PPEF1: variants seen among roughly 807,000 people sequenced by gnomAD.
The protein encoded by PPEF1 is protein phosphatase with EF-hand domain 1, also known as serine/threonine-protein phosphatase with EF-hands 1.
A neutral mutation model predicts 53.3 loss-of-function variants in PPEF1; 12 were observed. That is an observed-to-expected ratio of 0.23 (90% confidence interval 0.14 to 0.36). The LOEUF is 0.36. PPEF1 is among the 10% of genes least tolerant of loss of function. The probability of loss-of-function intolerance (pLI) is 1.00; values close to 1 mark genes in which losing one functional copy is unlikely to be tolerated. For synonymous variants in PPEF1, 165 were observed against 176.7 expected (o/e 0.93, Z 0.52); for missense variants, 334 against 490.4 (o/e 0.68, Z 3.01).
intron 13 of PPEF1, among the ~76,000 whole-genome samples, chrX:18,820,932 C>G (rs67583955): frequency 0.23 from 25,308 of 109,531 alleles, 2,793 homozygotes; most frequent in African/African-American, 0.42. Context: ...TAGAAATAAT[C>G]CTTGGCTCCG....
chrX:18,771,723 C>T (rs181367151), intron 6 of PPEF1, among the ~76,000 whole-genome samples: 399 of 111,587 alleles, frequency 3.6e-3, no homozygotes, highest in African/African-American at 0.012. Flanking sequence ...AACTAATAGC[C>T]TACTGTTGAC....
chrX:18,817,068 A>ATGTGTGTG (rs72334387), intron 12 of PPEF1, among the ~76,000 whole-genome samples: 159 of 100,112 alleles, frequency 1.6e-3, no homozygotes, highest in African/African-American at 5.3e-3. Context: ...TCATTTTGCC[A>ATGTGTGTG]TGTGTGTGTG....
At chrX:18,719,565 G>C (rs1038773299) in intron 1 of PPEF1, among the ~76,000 whole-genome samples, 1 of 109,805 alleles carries the variant, frequency 9.1e-6, no homozygotes, top group Admixed American at 9.8e-5. Context: ...CAGGCTGGTC[G>C]TGAACTCCTA....
chrX:18,695,036 C>T (rs1373626630), intron 4 of PPEF1, among the ~76,000 whole-genome samples: 5 of 112,083 alleles, frequency 4.5e-5, no homozygotes, highest in African/African-American at 9.7e-5. Flanking sequence ...GAAACCCAGG[C>T]GTGGCTTACC....
chrX:18,724,779 G>A (rs1229424274), intron 1 of PPEF1, among the ~76,000 whole-genome samples: 4 of 110,949 alleles, frequency 3.6e-5, no homozygotes, highest in Non-Finnish European at 5.7e-5. Context: ...GGCAGGGTGG[G>A]GGGTTATGGG....
At chrX:18,719,469 C>A (rs897135614) in intron 1 of PPEF1, among the ~76,000 whole-genome samples, 1 of 109,973 alleles carries the variant, frequency 9.1e-6, no homozygotes, top group African/African-American at 3.3e-5. Flanking sequence ...ACCTCAACCT[C>A]CCAAGTAGCT....
intron 1 of PPEF1, among the ~76,000 whole-genome samples, chrX:18,708,782 G>A (rs2044258803): frequency 8.9e-6 from 1 of 112,066 alleles, no homozygotes; most frequent in South Asian, 3.7e-4. Flanking sequence ...AAGGGACATA[G>A]GAGGTGTACT....
intron 1 of PPEF1, among the ~76,000 whole-genome samples, chrX:18,714,036 C>T (rs1218276343): frequency 9.0e-6 from 1 of 111,049 alleles, no homozygotes; most frequent in South Asian, 3.7e-4. Flanking sequence ...TTTCTATATT[C>T]AGGTGATTAG....
intron 6 of PPEF1, among the ~76,000 whole-genome samples, chrX:18,701,980 G>A (rs1017526079): frequency 1.4e-4 from 16 of 111,521 alleles, no homozygotes; most frequent in African/African-American, 4.6e-4. Context: ...CTCATGTGGC[G>A]AGACCCAGGA....
At chrX:18,792,417 C>G (rs1436788791) in intron 10 of PPEF1, among the ~76,000 whole-genome samples, 4 of 111,314 alleles carry the variant, frequency 3.6e-5, no homozygotes, top group Non-Finnish European at 7.5e-5. Flanking sequence ...TTGTGTCTTT[C>G]TTGGAATTTG....
Position 18,806,892 on chromosome X carries a change from T to C in PPEF1, c.1394+347T>C, listed in dbSNP as rs977214091. Among the ~76,000 whole-genome samples the C allele has an allele frequency of 3.6e-5, 4 of 112,344 alleles. No homozygotes were observed. The South Asian group carries it at 1.1e-3, about 31-fold the overall frequency. On this transcript the variant is annotated intron_variant, in intron 12 of 15. Transcript: ENST00000470157. ...TATCTGGTCTTGCCCCTTTCTCTTC[T>C]CTATCCAGAAGTGTATGTGACAAAT...
intron 6 of PPEF1, among the ~76,000 whole-genome samples, chrX:18,774,377 C>T (rs1219266021): frequency 8.0e-5 from 9 of 112,337 alleles, no homozygotes; most frequent in South Asian, 3.7e-4. Context: ...GTGTGGGCCA[C>T]GGCGCCCGGC....
At chrX:18,706,045 A>G (rs1224179062), upstream of PPEF1, among the ~76,000 whole-genome samples, 1 of 108,564 alleles carries the variant, frequency 9.2e-6, no homozygotes, top group African/African-American at 3.4e-5. Context: ...AGGTCGGAGG[A>G]TCACTTGAGC....
At chrX:18,740,063 C>T (rs1165527291) in intron 3 of PPEF1, among the ~76,000 whole-genome samples, 2 of 112,461 alleles carry the variant, frequency 1.8e-5, no homozygotes, top group African/African-American at 3.2e-5. Context: ...AAAGGGAATT[C>T]CCCGACCCCT....
intron 1 of PPEF1, among the ~76,000 whole-genome samples, chrX:18,713,490 G>A (rs902144367): frequency 2.0e-5 from 2 of 101,770 alleles, no homozygotes; most frequent in Admixed American, 1.1e-4. Context: ...TATGGAGTGC[G>A]TCCAGAAGAG....
In PPEF1 at chrX:18,702,581, G is replaced by A. The variant is rs1930203904; in HGVS notation, c.-123+2146G>A. 3.7e-5 allele frequency among the ~76,000 whole-genome samples: 4 copies of A among 107,883 alleles called. No homozygotes were observed. In the South Asian group the frequency reaches 1.7e-3, roughly 45 times the overall value. 93.7% of individuals were successfully genotyped at this position (107,883 alleles called of 115,157 possible). A position where few individuals can be genotyped will look rare whatever the true frequency, so the allele number is the denominator to read the frequency against. ...GGGGAGGCTGGGCTAGTGGTTGGAG[G>A]GTGCTTGGTGGCGAACGTTAGTTTG... On this transcript the variant is annotated intron_variant, in intron 6 of 21. Coordinates refer to the PPEF1 transcript ENST00000361511.
chrX:18,738,869 A>G (rs939171924), intron 3 of PPEF1, among the ~76,000 whole-genome samples: 1 of 111,398 alleles, frequency 9.0e-6, no homozygotes, highest in Non-Finnish European at 1.9e-5. Flanking sequence ...GCTTCATTTC[A>G]TTCATTTGAT....
At position 18,707,684 on chromosome X, in the gene PPEF1, AAGAGTGGTTCCT is replaced by A; in HGVS notation, c.-96_-85del. On this transcript the variant is annotated 5_prime_UTR_variant, in exon 1 of 16. Transcript: ENST00000470157. ...AATCTATGACTGAAGAGGATCGGCT[AAGAGTGGTTCCT>A]CGCAGCTTAAAGGGAGGCACTTTTC... 1 of 779,344 alleles carries A rather than the reference AAGAGTGGTTCCT, an allele frequency of 1.3e-6. No homozygotes were observed. Among genetic ancestry groups the A allele is most frequent in the Non-Finnish European group, 2.0e-6 (1 of 512,339 alleles). 64.2% of individuals were successfully genotyped at this position (779,344 alleles called of 1,213,427 possible).
intron 12 of PPEF1, among the ~76,000 whole-genome samples, chrX:18,810,813 A>G (rs895552035): frequency 3.6e-5 from 4 of 112,393 alleles, no homozygotes; most frequent in South Asian, 3.7e-4. Context: ...CTAGTTGGCT[A>G]TTATAAACAA....
Sources: allele counts gnomAD v4.1 joint callset (sites outside exome capture counted in the v4.1 genomes callset), GRCh38; gene constraint gnomAD v4.1.1; transcripts MANE v1.5; gene names NCBI Gene and HGNC (gene_info 2026-07-23, HGNC 2026-07-21).